The following CYP39A1 variants were observed in gnomAD, a reference collection of about 807,000 sequenced individuals.
CYP39A1 encodes the protein cytochrome P450 family 39 subfamily A member 1.
Under a neutral mutation model 58.1 loss-of-function variants are expected in CYP39A1, and 49 were observed. The ratio of observed to expected loss-of-function variants is 0.84; its 90% CI spans 0.67 to 1.07. The LOEUF (loss-of-function observed/expected upper bound fraction) is 1.07. Ranked by LOEUF, CYP39A1 falls within the 50% of genes least tolerant of loss-of-function variation. The pLI, the probability that CYP39A1 is intolerant of heterozygous loss-of-function variation, is 0.00. For missense variants in CYP39A1, 531 were observed against 539.4 expected (o/e 0.98, Z 0.16); for synonymous variants, 209 against 187.6 (o/e 1.11, Z -0.93).
intron 11 of CYP39A1, among the ~76,000 whole-genome samples, chr6:46,551,744 T>C (rs1770408077): frequency 6.6e-6 from 1 of 152,136 alleles, no homozygotes; most frequent in Non-Finnish European, 1.5e-5. Flanking sequence ...GACAACAGAG[T>C]GTTCAGGACA....
intron 8 of CYP39A1, among the ~76,000 whole-genome samples, chr6:46,589,218 C>G (rs1315917757): frequency 2.0e-5 from 3 of 151,978 alleles, no homozygotes; most frequent in African/African-American, 7.3e-5. Context: ...TTTGGGAGGC[C>G]TTGGTCGGAG....
chr6:46,647,389 C>T (rs936696214), intron 1 of CYP39A1, among the ~76,000 whole-genome samples: 16 of 152,108 alleles, frequency 1.1e-4, no homozygotes, highest in East Asian at 1.9e-4. Flanking sequence ...CTTCAAATAT[C>T]GCTTAGAGTG....
Position 46,639,539 on chromosome 6 carries a change from T to A in CYP39A1, c.443A>T (p.Glu148Val), listed in dbSNP as rs749715723. The change falls in exon 3 of 12, where the codon GAG becomes GTG. Residue 148 changes from glutamate (E) to valine (V), a missense_variant. Coordinates refer to ENST00000275016, the MANE Select transcript of CYP39A1 (RefSeq NM_016593.5). The part of the protein sequence containing the change: ...QLTEELHEQL[E>V]NLGTHGTMDL... ...CATTGTCCCATGAGTGCCTAAATTC[T>A]CCAGTTGTTCATGTAATTCTTCAGT... The A allele has an allele frequency of 2.5e-6, 4 of 1,614,146 alleles. No homozygotes were observed. The highest frequency in any genetic ancestry group is 3.4e-6 in the Non-Finnish European group (4 of 1,180,010).
At chr6:46,628,342 T>C (rs1159144431) in intron 6 of CYP39A1, among the ~76,000 whole-genome samples, 7 of 152,112 alleles carry the variant, frequency 4.6e-5, no homozygotes, top group Non-Finnish European at 8.8e-5. Context: ...AAAAAATAAA[T>C]ACTGTGGGAG....
chr6:46,624,903 A>G lies in CYP39A1; in HGVS notation c.931+515T>C, dbSNP rs964082284. 3.9e-5 allele frequency among the ~76,000 whole-genome samples: 6 copies of G among 152,120 alleles called. No individual in the cohort carries two copies. The East Asian group carries it at 1.2e-3, about 29-fold the overall frequency. ...CCTATTTGCAGCTCCTAAATCCTCAAATTTCTAACAACCATAAGGGTTTTT... is the reference window on the plus strand; with the variant it reads ...CCTATTTGCAGCTCCTAAATCCTCAGATTTCTAACAACCATAAGGGTTTTT... On this transcript the variant is annotated intron_variant, in intron 7 of 11. Coordinates refer to ENST00000275016, the MANE Select transcript of CYP39A1 (RefSeq NM_016593.5).
At position 46,597,984 on chromosome 6, in the gene CYP39A1, T is replaced by A. The variant is rs541720137; in HGVS notation, c.932-1864A>T. ...CATTGCCCAACAAAACTGTTGGTTT[T>A]CCTTTTCCGTAACAAAGATTGGAAA... On this transcript the variant is annotated intron_variant, in intron 7 of 11. Coordinates refer to ENST00000275016, the MANE Select transcript of CYP39A1 (RefSeq NM_016593.5). Among the ~76,000 whole-genome samples the A allele has an allele frequency of 6.6e-5, 10 of 152,310 alleles. 3 individuals carry two copies. The highest frequency in any genetic ancestry group is 2.4e-4 in the African/African-American group (10 of 41,588).
At chr6:46,559,215 C>CATATAGAGTAT (rs1449057278) in intron 10 of CYP39A1, among the ~76,000 whole-genome samples, 1 of 152,116 alleles carries the variant, frequency 6.6e-6, no homozygotes, top group African/African-American at 2.4e-5. Context: ...TAAAGCCCCT[C>CATATAGAGTAT]ATGTTACTCT....
At chr6:46,613,705 T>C (rs1327028850) in intron 7 of CYP39A1, among the ~76,000 whole-genome samples, 3 of 142,430 alleles carry the variant, frequency 2.1e-5, no homozygotes, top group Non-Finnish European at 4.6e-5. Context: ...TATTTGTTTG[T>C]TTTTTTTTTT....
chr6:46,643,559 T>G (rs1776473530), intron 1 of CYP39A1, among the ~76,000 whole-genome samples: 1 of 152,230 alleles, frequency 6.6e-6, no homozygotes, highest in African/African-American at 2.4e-5. Context: ...ATTTTCATTG[T>G]TAAAGTTTTG....
Position 46,596,073 on chromosome 6 carries a change from G to A in CYP39A1, c.979C>T (p.Leu327=), listed in dbSNP as rs1773132899. ...VSEDDLENLL[L]IKWCVLETIR... is the part of the protein sequence containing the mutation. Reference sequence around the variant, plus strand: ...GTTTCCAAAACACACCATTTAATTAGAAGGAGATTCTCCAGGTCATCCTCA... The same window carrying A: ...GTTTCCAAAACACACCATTTAATTAAAAGGAGATTCTCCAGGTCATCCTCA... The change falls in exon 8 of 12, where the codon CTA becomes TTA. Residue 327 remains leucine, a synonymous_variant. Transcript: ENST00000275016. The A allele has an allele frequency of 1.2e-6, 2 of 1,611,258 alleles. No individual in the cohort carries two copies. The highest frequency in any genetic ancestry group is 8.5e-7 in the Non-Finnish European group (1 of 1,178,370).
chr6:46,645,181 C>T (rs950408152), intron 1 of CYP39A1, among the ~76,000 whole-genome samples: 3 of 152,078 alleles, frequency 2.0e-5, no homozygotes, highest in African/African-American at 4.8e-5. Context: ...TATGAACTGT[C>T]CTTTTGGTGT....
chr6:46,576,829 A>G (rs1234750835), intron 10 of CYP39A1, among the ~76,000 whole-genome samples: 2 of 152,234 alleles, frequency 1.3e-5, no homozygotes, highest in Non-Finnish European at 2.9e-5. Context: ...AAAGTCTTTT[A>G]GAAATATGGG....
At chr6:46,551,516 C>T (rs1770395507) in intron 11 of CYP39A1, among the ~76,000 whole-genome samples, 1 of 152,202 alleles carries the variant, frequency 6.6e-6, no homozygotes, top group African/African-American at 2.4e-5. Context: ...ACACTGCTGC[C>T]TGACCACAGA....
At chr6:46,582,279 G>A (rs1772173687) in intron 10 of CYP39A1, among the ~76,000 whole-genome samples, 1 of 152,098 alleles carries the variant, frequency 6.6e-6, no homozygotes, top group Non-Finnish European at 1.5e-5. Flanking sequence ...AAAGCAATCA[G>A]CTATTTCTAA....
chr6:46,566,847 T>TAC (rs1771316204), intron 10 of CYP39A1, among the ~76,000 whole-genome samples: 1 of 151,856 alleles, frequency 6.6e-6, no homozygotes, highest in African/African-American at 2.4e-5. Flanking sequence ...TATATATATA[T>TAC]ATACACACAC....
At chr6:46,592,770 A>G in intron 8 of CYP39A1, among the ~76,000 whole-genome samples, 1 of 152,180 alleles carries the variant, frequency 6.6e-6, no homozygotes, top group East Asian at 1.9e-4. Flanking sequence ...AGTCTGGCCA[A>G]CATGGTGAAA....
At chr6:46,595,674 A>G (rs73467297) in intron 8 of CYP39A1, among the ~76,000 whole-genome samples, 2,229 of 152,136 alleles carry the variant, frequency 0.015, 58 homozygotes, top group African/African-American at 0.051. Context: ...CAAGAGGTCT[A>G]TTGTATAACA....
chr6:46,550,226 C>G lies in CYP39A1; in HGVS notation c.*140G>C, dbSNP rs751107700. ...TACTGTTGAAGATACCAAACACATG[C>G]ACCATTTGAATGTGTTCTTGAACTA... On this transcript the variant is annotated 3_prime_UTR_variant, in exon 12 of 12. Transcript: ENST00000275016. The G allele has an allele frequency of 2.0e-4, 113 of 565,894 alleles. No homozygotes were observed. Among genetic ancestry groups the G allele is most frequent in the Non-Finnish European group, 3.2e-4 (102 of 321,032 alleles). 35.1% of individuals were successfully genotyped at this position (565,894 alleles called of 1,614,324 possible). A position where few individuals can be genotyped will look rare whatever the true frequency, so the allele number is the denominator to read the frequency against.
chr6:46,650,724 C>T (rs1051444801), intron 1 of CYP39A1, among the ~76,000 whole-genome samples: 2 of 151,616 alleles, frequency 1.3e-5, no homozygotes, highest in East Asian at 1.9e-4. Context: ...CTATATCTCC[C>T]GGGCTGGTCT....
Sources: allele counts gnomAD v4.1 joint callset (sites outside exome capture counted in the v4.1 genomes callset), GRCh38; gene constraint gnomAD v4.1.1; transcripts MANE v1.5; gene names NCBI Gene and HGNC (gene_info 2026-07-23, HGNC 2026-07-21).